Variants in CHLSN observed in about 807,000 individuals in gnomAD.
CHLSN encodes cholesin, also known as protein cholesin.
the CHLSN span, among the ~76,000 whole-genome samples, chr7:1,077,520 G>A: frequency 2.6e-5 from 4 of 152,126 alleles, no homozygotes; most frequent in Middle Eastern, 3.4e-3. Context: ...GAGCCACCGC[G>A]CCCGGCCCCA....
chr7:1,081,189 G>C, the CHLSN span, among the ~76,000 whole-genome samples: 1 of 152,262 alleles, frequency 6.6e-6, no homozygotes, highest in South Asian at 2.1e-4. Context: ...ACGGTGCCGG[G>C]CAGTGCCGCT....
chr7:991,134 C>T, the CHLSN span, among the ~76,000 whole-genome samples: 3 of 152,036 alleles, frequency 2.0e-5, no homozygotes, highest in Admixed American at 2.0e-4. Context: ...GGGGAGGAAA[C>T]GCTGACCCTG....
At chr7:1,133,853 C>T in the CHLSN span, among the ~76,000 whole-genome samples, 1 of 151,914 alleles carries the variant, frequency 6.6e-6, no homozygotes, top group Non-Finnish European at 1.5e-5. Flanking sequence ...AAAATTTAGG[C>T]TGGAACACAG....
At chr7:985,575 A>C in the CHLSN span, among the ~76,000 whole-genome samples, 92 of 152,258 alleles carry the variant, frequency 6.0e-4, no homozygotes, top group Non-Finnish European at 1.0e-3. Context: ...TAACAGATGC[A>C]TCTGCTCAAG....
chr7:1,137,892 A>C, the CHLSN span: 2 of 152,212 alleles, frequency 1.3e-5, no homozygotes, highest in Non-Finnish European at 2.9e-5. Flanking sequence ...AACCAGAGCC[A>C]CTGCAAGCCC....
chr7:982,991 C>A, the CHLSN span, among the ~76,000 whole-genome samples: 214 of 152,256 alleles, frequency 1.4e-3, 1 homozygote, highest in African/African-American at 4.9e-3. Context: ...GGGCCCCCGT[C>A]CTGCCCTCCC....
At chr7:1,079,916 G>A in the CHLSN span, among the ~76,000 whole-genome samples, 2 of 152,258 alleles carry the variant, frequency 1.3e-5, no homozygotes, top group Non-Finnish European at 2.9e-5. Flanking sequence ...TCAAGGTCCC[G>A]GCTTTGGGGA....
the CHLSN span, among the ~76,000 whole-genome samples, chr7:1,041,053 C>T: frequency 6.6e-6 from 1 of 152,242 alleles, no homozygotes; most frequent in Non-Finnish European, 1.5e-5. Context: ...CCTGTGGGAA[C>T]AGCTGCTTCT....
At chr7:1,019,231 G>C in the CHLSN span, among the ~76,000 whole-genome samples, 2 of 146,456 alleles carry the variant, frequency 1.4e-5, no homozygotes, top group Admixed American at 6.8e-5. Context: ...GGGAGTGAAA[G>C]GGAGGGAGGA....
At chr7:1,060,215 A>C in the CHLSN span, among the ~76,000 whole-genome samples, 1 of 152,120 alleles carries the variant, frequency 6.6e-6, no homozygotes, top group Non-Finnish European at 1.5e-5. Flanking sequence ...CTAGGATTAA[A>C]GTATAGGCCT....
At chr7:1,104,634 T>G in the CHLSN span, among the ~76,000 whole-genome samples, 3 of 152,192 alleles carry the variant, frequency 2.0e-5, no homozygotes, top group Non-Finnish European at 2.9e-5. Flanking sequence ...GCGCAGCAAG[T>G]TTAAACTAGA....
At chr7:984,026 G>T in the CHLSN span, among the ~76,000 whole-genome samples, 1,475 of 152,276 alleles carry the variant, frequency 9.7e-3, 16 homozygotes, top group Non-Finnish European at 0.015. Flanking sequence ...AGCCGAAGAC[G>T]GATCAGGGTC....
At chr7:1,108,897 T>A in the CHLSN span, among the ~76,000 whole-genome samples, 1 of 90,048 alleles carries the variant, frequency 1.1e-5, no homozygotes, top group East Asian at 3.0e-4. Flanking sequence ...TCCCAGGCAT[T>A]TTTTTTTTTT....
chr7:1,110,464 T>G, the CHLSN span, among the ~76,000 whole-genome samples: 2 of 152,260 alleles, frequency 1.3e-5, no homozygotes, highest in East Asian at 3.9e-4. Context: ...GAAGGGCCCC[T>G]CAGTGCGAAG....
At chr7:1,048,173 G>T in the CHLSN span, among the ~76,000 whole-genome samples, 2 of 152,300 alleles carry the variant, frequency 1.3e-5, no homozygotes, top group South Asian at 4.1e-4. Flanking sequence ...GGTGTTCTAG[G>T]CAAGGGATCA....
chr7:980,447 A>G, the CHLSN span, among the ~76,000 whole-genome samples: 6 of 152,268 alleles, frequency 3.9e-5, no homozygotes, highest in Admixed American at 1.3e-4. Flanking sequence ...GACATCAGAA[A>G]GCAACAATGC....
the CHLSN span, among the ~76,000 whole-genome samples, chr7:1,072,829 G>A: frequency 2.0e-5 from 3 of 151,930 alleles, no homozygotes; most frequent in Admixed American, 1.3e-4. Context: ...GATTACAGGC[G>A]TGCGCCACCA....
chr7:992,009 C>T, the CHLSN span, among the ~76,000 whole-genome samples: 3 of 152,154 alleles, frequency 2.0e-5, no homozygotes, highest in Non-Finnish European at 4.4e-5. Context: ...GCAGGCAGCC[C>T]GCGAGCCCAG....
chr7:995,559 G>C, the CHLSN span, among the ~76,000 whole-genome samples: 2 of 152,230 alleles, frequency 1.3e-5, no homozygotes, highest in African/African-American at 4.8e-5. Context: ...GCACTTTGCG[G>C]GTCTCCCTCT....
Sources: gnomAD v4.1 joint callset for allele counts (sites outside exome capture counted in the v4.1 genomes callset) on GRCh38, gnomAD v4.1.1 for gene constraint, MANE v1.5 for transcripts, NCBI Gene and HGNC (gene_info 2026-07-23, HGNC 2026-07-21) for gene names.